The following IL4I1 variants were observed in gnomAD, a reference collection of about 807,000 sequenced individuals.
The protein encoded by IL4I1 is L-amino-acid oxidase.
Under a neutral mutation model 29.7 loss-of-function variants are expected in IL4I1, and 24 were observed. The ratio of observed to expected loss-of-function variants is 0.81; its 90% CI spans 0.59 to 1.14. IL4I1 has a LOEUF of 1.14. IL4I1 is among the 50% of genes most tolerant of loss of function. The pLI, the probability that IL4I1 is intolerant of heterozygous loss-of-function variation, is 0.00. For missense variants in IL4I1, 686 were observed against 785.6 expected (o/e 0.87, Z 1.52); for synonymous variants, 371 against 352.5 (o/e 1.05, Z -0.59).
chr19:49,900,171 C>T (rs750249869), upstream of IL4I1, among the ~76,000 whole-genome samples: 1 of 151,866 alleles, frequency 6.6e-6, no homozygotes, highest in Non-Finnish European at 1.5e-5. Context: ...ACATCATCTT[C>T]ATTCAGCATG....
chr19:49,918,210 C>A lies in IL4I1; in HGVS notation c.-228+9484G>T, dbSNP rs1244019006. 2.6e-5 allele frequency among the ~76,000 whole-genome samples: 4 copies of A among 152,200 alleles called. 1 individual carries two copies. Among genetic ancestry groups the A allele is most frequent in the Admixed American group, 2.0e-4 (3 of 15,292 alleles). On this transcript the variant is annotated intron_variant, in intron 2 of 9. Transcript: ENST00000341114. ...GCCTCCCGTTAGCTGGGACTACAGG[C>A]ATACGCCGCCATGCCCAGCTAATAT...
At chr19:49,890,928 T>TTCCCCCCCCCCCCCCCCCCCCCC in intron 7 of IL4I1, 43 bp downstream of exon 7, 1 of 633,210 alleles carries the variant, frequency 1.6e-6, no homozygotes, top group South Asian at 2.4e-5. Context: ...TTTCCCTGAT[T>TTCCCCCCCCCCCCCCCCCCCCCC]GCCCCCCGCC....
intron 2 of IL4I1, chr19:49,908,898 T>G: frequency 1.2e-6 from 2 of 1,608,814 alleles, no homozygotes; most frequent in Non-Finnish European, 1.7e-6. Context: ...GCTGTATTGC[T>G]GGGGATCCCG....
chr19:49,898,215 G>T (rs1039054097), upstream of IL4I1, among the ~76,000 whole-genome samples: 2 of 152,216 alleles, frequency 1.3e-5, no homozygotes, highest in African/African-American at 2.4e-5. Flanking sequence ...CAACTACTCA[G>T]GAGGCTGGGA....
Position 49,891,010 on chromosome 19 carries a change from T to C in IL4I1, c.734A>G (p.Glu245Gly). Residue 245 changes from glutamate to glycine, a missense_variant, in exon 7 of 8, where the codon GAG becomes GGG. Physicochemically the swap from Glu to Gly is moderately conservative, Grantham distance 98. Transcript: ENST00000391826. ...EDGFFYLSFA[E>G]ALRAHSCLSD... ...GAGGCAGCTGTGGGCCCGGAGGGCC[T>C]CGGCGAAGCTGAGATAGAAGAAGCC... 6.8e-7 allele frequency: 1 copy of C among 1,466,752 alleles called. No individual in the cohort carries two copies. The highest frequency in any genetic ancestry group is 9.2e-7 in the Non-Finnish European group (1 of 1,091,622). 90.9% of individuals were successfully genotyped at this position (1,466,752 alleles called of 1,614,324 possible). A position where few individuals can be genotyped will look rare whatever the true frequency, so the allele number is the denominator to read the frequency against.
rs879873471 is a variant in IL4I1, at chr19:49,922,711, G to GA, written c.-228+4982dup. Among the ~76,000 whole-genome samples the GA allele has an allele frequency of 4.2e-3, 598 of 143,324 alleles. 1 individual carries two copies. Among genetic ancestry groups the GA allele is most frequent in the Non-Finnish European group, 4.5e-3 (295 of 65,006 alleles). 94.0% of individuals were successfully genotyped at this position (143,324 alleles called of 152,430 possible). A position where few individuals can be genotyped will look rare whatever the true frequency, so the allele number is the denominator to read the frequency against. On this transcript the variant is annotated intron_variant, in intron 2 of 9. Coordinates refer to the IL4I1 transcript ENST00000341114. ...CTACCTTTAAAACTTGGATCTCACA[G>GA]AAAAAAAAAAAACTGGATTTCCAGC...
At chr19:49,920,988 G>A (rs2075753485) in intron 2 of IL4I1, among the ~76,000 whole-genome samples, 1 of 152,156 alleles carries the variant, frequency 6.6e-6, no homozygotes, top group South Asian at 2.1e-4. Flanking sequence ...AGGTTTCTCT[G>A]GGAACCAGGT....
rs901346001 is a variant in IL4I1 at position 49,896,865 on chromosome 19, G to A, written c.-53C>T. The A allele has an allele frequency of 1.4e-5, 14 of 985,564 alleles. No homozygotes were observed. The highest frequency in any genetic ancestry group is 1.6e-5 in the Non-Finnish European group (13 of 830,138). 61.1% of individuals were successfully genotyped at this position (985,564 alleles called of 1,614,324 possible). On this transcript the variant is annotated 5_prime_UTR_variant, in exon 1 of 8. Transcript: ENST00000391826. ...GCTCTTGGTGACAGCAGGACAGCGC[G>A]GTCCTCTCCACTGCCCTCCACTGTC...
intron 2 of IL4I1, among the ~76,000 whole-genome samples, chr19:49,918,894 C>A: frequency 1.7e-3 from 1 of 598 alleles, no homozygotes. Context: ...CTTTGGGAGG[C>A]TGGGGGGGGG....
intron 3 of IL4I1, 78 bp downstream of exon 3, chr19:49,895,737 G>A (rs2075198841): frequency 4.4e-6 from 3 of 688,866 alleles, no homozygotes; most frequent in Non-Finnish European, 4.9e-6. Flanking sequence ...AAGGAGGAAC[G>A]CGGCCGTGTC....
In IL4I1 at chr19:49,895,998, G is replaced by T; in HGVS notation, c.69C>A (p.Asp23Glu). The part of the protein sequence containing the change: ...PILLSLVASQ[D>E]WKAERSQDPF... ...GGTCTTGGCTGCGTTCAGCCTTCCA[G>T]TCCTGGGAGGCCACCAGGCTGAGGA... is the stretch of plus-strand genomic sequence containing the variant. Residue 23 changes from aspartate to glutamate, a missense_variant, in exon 3 of 8, where the codon GAC (aspartate) becomes GAA (glutamate). Asp to Glu is a conservative substitution (Grantham distance 45, BLOSUM62 2). Transcript: ENST00000391826. 1 of 1,614,188 alleles carries T rather than the reference G, an allele frequency of 6.2e-7. No homozygotes were observed. The highest frequency in any genetic ancestry group is 1.7e-5 in the Admixed American group (1 of 60,024).
At chr19:49,911,862 C>T (rs1037709263) in intron 2 of IL4I1, among the ~76,000 whole-genome samples, 1 of 152,224 alleles carries the variant, frequency 6.6e-6, no homozygotes, top group Non-Finnish European at 1.5e-5. Flanking sequence ...CGGCAAGTGC[C>T]TGAGCCCCCA....
rs777055508 is a variant in IL4I1, at chr19:49,896,038, A to T, written c.29T>A (p.Val10Asp). MAPLALHLL[V>D]LVPILLSLVA... Reference sequence around the variant, plus strand: ...CAGGCTGAGGAGGATGGGGACGAGGACGAGGAGGTGCAGGGCTGGGAGGAG... The same window carrying T: ...CAGGCTGAGGAGGATGGGGACGAGGTCGAGGAGGTGCAGGGCTGGGAGGAG... The change falls in exon 3 of 8, where the codon GTC (valine) becomes GAC (aspartate). Residue 10 changes from valine (V) to aspartate (D), a missense_variant. Val to Asp is a radical substitution (Grantham distance 152). Transcript: ENST00000391826. 2.5e-6 allele frequency: 4 copies of T among 1,614,026 alleles called. No homozygotes were observed. In the South Asian group the frequency reaches 4.4e-5, roughly 18 times the overall value.
chr19:49,918,709 C>T (rs925357335), intron 2 of IL4I1: 2 of 152,226 alleles, frequency 1.3e-5, no homozygotes, highest in African/African-American at 4.8e-5. Context: ...AGCTGTCTTC[C>T]CCAGGCTGTC....
chr19:49,915,114 C>T (rs184553231), intron 2 of IL4I1, among the ~76,000 whole-genome samples: 6 of 151,736 alleles, frequency 4.0e-5, no homozygotes, highest in South Asian at 2.1e-4. Flanking sequence ...CAGCTTTGGA[C>T]CAAAAGGAAA....
chr19:49,923,060 C>T (rs1030901379), intron 2 of IL4I1, among the ~76,000 whole-genome samples: 2 of 151,690 alleles, frequency 1.3e-5, no homozygotes, highest in Admixed American at 6.6e-5. Flanking sequence ...CAGTTGTTAT[C>T]AGTTTGCTGT....
rs778963720 is a variant in IL4I1 at position 49,890,306 on chromosome 19, GA to G, written c.1067del (p.Phe356SerfsTer2). 1.2e-6 allele frequency: 2 copies of G among 1,606,594 alleles called. No homozygotes were observed. Among genetic ancestry groups the G allele is most frequent in the South Asian group, 2.2e-5 (2 of 90,148 alleles). The stretch of plus-strand genomic sequence containing the variant: ...GCCAGAAGGGCCTGCGGAAGCTTAG[GA>G]ACACCTTGGTGGCCGGCACGTAGTG... ...RLHYVPATKVFLSFRRPFWRE... is the reference protein window; with the variant it reads ...RLHYVPATKVXLSFRRPFWRE... On this transcript the variant is annotated frameshift_variant, in exon 8 of 8. Coordinates refer to ENST00000391826, the MANE Select transcript of IL4I1 (RefSeq NM_152899.2). LOFTEE classifies it low-confidence loss of function (END_TRUNC).
chr19:49,899,150 G>A (rs1354633934), upstream of IL4I1, among the ~76,000 whole-genome samples: 1 of 152,204 alleles, frequency 6.6e-6, no homozygotes, highest in African/African-American at 2.4e-5. Flanking sequence ...CCAGGTCCCC[G>A]GCCCCTGCCC....
Position 49,912,275 on chromosome 19 carries a change from TTC to T in IL4I1, c.-227-7956_-227-7955del, listed in dbSNP as rs374003040. On this transcript the variant is annotated intron_variant, in intron 2 of 9. Transcript: ENST00000341114. The stretch of plus-strand genomic sequence containing the variant: ...ACCTCCGCTTCCCGGGTTCAAGCGA[TTC>T]TCTCGCCTCAGCTTCCAAGTAGCTG... 9.0e-4 allele frequency among the ~76,000 whole-genome samples: 136 copies of T among 151,204 alleles called. 5 individuals are homozygous for T. In the East Asian group the frequency reaches 0.025, roughly 28 times the overall value.
Sources: allele counts gnomAD v4.1 joint callset (sites outside exome capture counted in the v4.1 genomes callset), GRCh38; gene constraint gnomAD v4.1.1; transcripts MANE v1.5; gene names NCBI Gene and HGNC (gene_info 2026-07-23, HGNC 2026-07-21).